Variants in TSPAN12 observed in about 807,000 individuals in gnomAD.
TSPAN12 encodes the protein tetraspanin 12, also known as tetraspanin-12.
Under a neutral mutation model 39.2 loss-of-function variants are expected in TSPAN12, and 19 were observed. That is an observed-to-expected ratio of 0.49 (90% CI 0.34 to 0.71). The LOEUF is 0.71. Among genes scored for constraint, TSPAN12 ranks in the 30% least tolerant of loss-of-function variants. TSPAN12 has a pLI of 0.01. For missense variants in TSPAN12, 314 were observed against 359.9 expected, an observed-to-expected ratio of 0.87 and a Z score of 1.03; for synonymous variants, 119 against 124.8, an observed-to-expected ratio of 0.95 and a Z score of 0.31.
chr7:120,792,967 G>C (rs148847307), intron 7 of TSPAN12, among the ~76,000 whole-genome samples: 1 of 152,260 alleles, frequency 6.6e-6, no homozygotes, highest in Non-Finnish European at 1.5e-5. Flanking sequence ...TGTCCACACC[G>C]GAACAACACT....
chr7:120,797,437 G>A (rs1349018259), intron 7 of TSPAN12, among the ~76,000 whole-genome samples: 2 of 152,222 alleles, frequency 1.3e-5, no homozygotes, highest in Non-Finnish European at 2.9e-5. Flanking sequence ...GCATAGACTA[G>A]GTCATTGGTC....
chr7:120,806,097 T>C (rs941530362), intron 7 of TSPAN12, among the ~76,000 whole-genome samples: 1 of 152,018 alleles, frequency 6.6e-6, no homozygotes. Flanking sequence ...CAGGGGGAGC[T>C]GGAGAGTAGC....
At chr7:120,857,610 C>A (rs940983265) in intron 1 of TSPAN12, among the ~76,000 whole-genome samples, 7 of 152,088 alleles carry the variant, frequency 4.6e-5, no homozygotes, top group South Asian at 2.1e-4. Flanking sequence ...CGCGACCCCT[C>A]GCTCAAAGCC....
At chr7:120,809,753 T>C (rs1364613103) in intron 6 of TSPAN12, among the ~76,000 whole-genome samples, 1 of 152,100 alleles carries the variant, frequency 6.6e-6, no homozygotes, top group Non-Finnish European at 1.5e-5. Context: ...AACATCTGAA[T>C]ACAGTCCCCA....
At chr7:120,849,110 T>C (rs1273388909) in intron 2 of TSPAN12, among the ~76,000 whole-genome samples, 1 of 152,236 alleles carries the variant, frequency 6.6e-6, no homozygotes, top group African/African-American at 2.4e-5. Context: ...CTCCTTTTGC[T>C]TTCTCCAGTA....
intron 2 of TSPAN12, among the ~76,000 whole-genome samples, chr7:120,842,295 T>G (rs1270789656): frequency 1.3e-5 from 2 of 152,088 alleles, no homozygotes; most frequent in Non-Finnish European, 2.9e-5. Context: ...CTTCCATCAT[T>G]CATTACAAAT....
chr7:120,810,436 C>T lies in TSPAN12; in HGVS notation c.468+27G>A, dbSNP rs1158739643. 5 of 1,408,962 alleles carry T rather than the reference C, an allele frequency of 3.5e-6. No homozygotes were observed. The Admixed American group carries it at 8.4e-5, about 24-fold the overall frequency. The allele number at this position is 1,408,962 out of a possible 1,614,324, so 87.3% of individuals were successfully genotyped here. Reference sequence around the variant, plus strand: ...GAAGGTGCACCACTTACTTCACTCTCTCTACCTCAGAAATTGTAGCACTTA... The same window carrying T: ...GAAGGTGCACCACTTACTTCACTCTTTCTACCTCAGAAATTGTAGCACTTA... On this transcript the variant is annotated intron_variant, in intron 6 of 7. Coordinates refer to ENST00000222747, the MANE Select transcript of TSPAN12 (RefSeq NM_012338.4).
intron 4 of TSPAN12, among the ~76,000 whole-genome samples, chr7:120,825,212 T>A (rs1207550309): frequency 6.6e-6 from 1 of 152,126 alleles, no homozygotes; most frequent in East Asian, 1.9e-4. Context: ...TCCCCCTCAA[T>A]AAGAATCTGC....
intron 7 of TSPAN12, among the ~76,000 whole-genome samples, chr7:120,800,947 G>A (rs900319623): frequency 1.1e-4 from 16 of 151,536 alleles, no homozygotes; most frequent in African/African-American, 3.4e-4. Flanking sequence ...GCACCACAGC[G>A]TCCAGCTAAT....
chr7:120,806,615 A>G lies in TSPAN12; in HGVS notation c.546T>C (p.Cys182=), dbSNP rs776810762. The change falls in exon 7 of 8, where the codon TGT becomes TGC. Residue 182 remains cysteine, a synonymous_variant. Transcript: ENST00000222747. ...TEMDWPPDSC[C]VREFPGCSKQ... ...TGGAACATCCTGGGAATTCTCTAAC[A>G]CAGCAGGAATCTGGGGGCCAGTCCA... 1.9e-6 allele frequency: 3 copies of G among 1,613,652 alleles called. No homozygotes were observed. The highest frequency in any genetic ancestry group is 2.5e-6 in the Non-Finnish European group (3 of 1,179,660).
intron 1 of TSPAN12, chr7:120,857,338 C>T (rs2116522751): frequency 6.2e-6 from 1 of 160,250 alleles, no homozygotes; most frequent in African/African-American, 2.4e-5. Context: ...CCCCGTCCCG[C>T]AGCTCGGGTG....
intron 2 of TSPAN12, among the ~76,000 whole-genome samples, chr7:120,852,837 G>C (rs116780648): frequency 1.4e-3 from 218 of 152,130 alleles, no homozygotes; most frequent in African/African-American, 4.8e-3. Flanking sequence ...CTGAGTACCA[G>C]TTTCTTTATC....
At chr7:120,791,857 T>C (rs1793530264) in intron 7 of TSPAN12, among the ~76,000 whole-genome samples, 1 of 152,136 alleles carries the variant, frequency 6.6e-6, no homozygotes, top group African/African-American at 2.4e-5. Flanking sequence ...TCCTTGGAAG[T>C]CATGAATTCA....
At chr7:120,855,846 A>G (rs1794859748) in intron 2 of TSPAN12, among the ~76,000 whole-genome samples, 1 of 152,222 alleles carries the variant, frequency 6.6e-6, no homozygotes, top group African/African-American at 2.4e-5. Flanking sequence ...GCACAATAAA[A>G]TTTGTAACAG....
intron 7 of TSPAN12, among the ~76,000 whole-genome samples, chr7:120,798,748 C>G (rs1793682927): frequency 1.3e-5 from 2 of 152,146 alleles, no homozygotes; most frequent in African/African-American, 4.8e-5. Flanking sequence ...TTCTCACACC[C>G]TGTGCTCCAG....
chr7:120,853,541 C>A (rs1336920963), intron 2 of TSPAN12, among the ~76,000 whole-genome samples: 1 of 144,560 alleles, frequency 6.9e-6, no homozygotes, highest in South Asian at 2.2e-4. Context: ...TATTTTTATA[C>A]ATAATATATT....
chr7:120,808,472 A>G (rs1793916507), intron 6 of TSPAN12, among the ~76,000 whole-genome samples: 1 of 152,112 alleles, frequency 6.6e-6, no homozygotes, highest in Non-Finnish European at 1.5e-5. Context: ...ATTGTGAGAT[A>G]GTACTACTCT....
At chr7:120,807,805 A>G (rs980180546) in intron 6 of TSPAN12, among the ~76,000 whole-genome samples, 5 of 152,148 alleles carry the variant, frequency 3.3e-5, no homozygotes, top group African/African-American at 1.2e-4. Flanking sequence ...TCTTAAGAGT[A>G]TTATAAATGA....
intron 2 of TSPAN12, among the ~76,000 whole-genome samples, chr7:120,841,077 C>G (rs2116473408): frequency 6.6e-6 from 1 of 152,164 alleles, no homozygotes; most frequent in South Asian, 2.1e-4. Context: ...GGCTGAGAAC[C>G]ACTGCATTAA....
Sources: gnomAD v4.1 joint callset for allele counts (sites outside exome capture counted in the v4.1 genomes callset) on GRCh38, gnomAD v4.1.1 for gene constraint, MANE v1.5 for transcripts, NCBI Gene and HGNC (gene_info 2026-07-23, HGNC 2026-07-21) for gene names.